Variants in GPR39 observed in about 807,000 individuals in gnomAD.
GPR39 encodes G protein-coupled receptor 39, also known as zinc sensing receptor.
GPR39 carries 23 observed loss-of-function variants against 18.4 expected under a neutral mutation model. The observed-to-expected ratio is 1.25, with a 90% CI of 0.90 to 1.77. GPR39 has a LOEUF of 1.77. GPR39 is among the 40% of genes most tolerant of loss of function. GPR39 has a pLI of 0.00. For missense variants in GPR39, 647 were observed against 602.4 expected (o/e 1.07, Z -0.78); for synonymous variants, 280 against 257.9 (o/e 1.09, Z -0.82).
At chr2:132,494,334 G>A (rs537411699) in intron 1 of GPR39, among the ~76,000 whole-genome samples, 5 of 152,230 alleles carry the variant, frequency 3.3e-5, no homozygotes, top group South Asian at 4.1e-4. Context: ...TGACATGAAC[G>A]TGTTTATTGC....
intron 1 of GPR39, among the ~76,000 whole-genome samples, chr2:132,528,578 A>G (rs1573648051): frequency 6.6e-6 from 1 of 152,162 alleles, no homozygotes; most frequent in East Asian, 1.9e-4. Flanking sequence ...AATGTTTTCC[A>G]TTGTTTTTCC....
chr2:132,526,665 A>G (rs1298301766), intron 1 of GPR39, among the ~76,000 whole-genome samples: 1 of 152,174 alleles, frequency 6.6e-6, no homozygotes, highest in Non-Finnish European at 1.5e-5. Context: ...GAGCACCTGC[A>G]TACTCTGGAC....
chr2:132,561,577 TACACACACAC>T (rs55653432), intron 1 of GPR39, among the ~76,000 whole-genome samples: 19,694 of 147,906 alleles, frequency 0.13, 2,151 homozygotes, highest in East Asian at 0.48. Flanking sequence ...AATATGAGTG[TACACACACAC>T]ACACACACAC....
At chr2:132,449,170 G>A (rs1680589350) in intron 1 of GPR39, among the ~76,000 whole-genome samples, 1 of 152,200 alleles carries the variant, frequency 6.6e-6, no homozygotes, top group Non-Finnish European at 1.5e-5. Context: ...TCTGCAAATC[G>A]CCTTCCTCCC....
intron 1 of GPR39, among the ~76,000 whole-genome samples, chr2:132,476,740 G>T (rs577886622): frequency 1.3e-5 from 2 of 151,540 alleles, no homozygotes; most frequent in African/African-American, 4.8e-5. Flanking sequence ...TGGAGGAAAA[G>T]CATATGATGC....
intron 1 of GPR39, among the ~76,000 whole-genome samples, chr2:132,517,829 C>T (rs987854761): frequency 6.6e-6 from 1 of 152,260 alleles, no homozygotes; most frequent in African/African-American, 2.4e-5. Context: ...ACTGCTTTTT[C>T]TACATTTATG....
chr2:132,557,685 C>A (rs567301810), intron 1 of GPR39, among the ~76,000 whole-genome samples: 1 of 152,144 alleles, frequency 6.6e-6, no homozygotes, highest in African/African-American at 2.4e-5. Context: ...GAGGAGGCAG[C>A]CCTGAGCTTA....
chr2:132,565,329 C>T (rs1225330997), intron 1 of GPR39, among the ~76,000 whole-genome samples: 1 of 151,752 alleles, frequency 6.6e-6, no homozygotes, highest in Non-Finnish European at 1.5e-5. Context: ...GGACTCTCCC[C>T]TATGAACTCC....
chr2:132,605,808 G>C (rs1325647309), intron 1 of GPR39, among the ~76,000 whole-genome samples: 1 of 152,184 alleles, frequency 6.6e-6, no homozygotes, highest in East Asian at 1.9e-4. Context: ...AGACATCAGG[G>C]CAGGGTAGCA....
chr2:132,493,500 TACACC>T (rs1292039936), intron 1 of GPR39, among the ~76,000 whole-genome samples: 4 of 84,484 alleles, frequency 4.7e-5, no homozygotes, highest in African/African-American at 1.8e-4. Context: ...TATATATATA[TACACC>T]ATATATATAT....
Position 132,645,121 on chromosome 2 carries a change from G to C in GPR39, c.877G>C (p.Ala293Pro), listed in dbSNP as rs1340779168. ...CCCAGGGCTGATTGTTGTGACATTG[G>C]CCGTATGCTGGATGCCCAACCAGAT... ...IFLRLIVVTLAVCWMPNQIRR... is the reference protein window; with the variant it reads ...IFLRLIVVTLPVCWMPNQIRR... Residue 293 changes from alanine to proline, a missense_variant, in exon 2 of 2, where the codon GCC becomes CCC. By Grantham distance (27) the Ala-to-Pro change is conservative. Around this residue, in one of 3 missense-constraint regions of GPR39, gnomAD observed 581 missense variants for 506.8 expected, o/e 1.15. Coordinates refer to ENST00000329321, the MANE Select transcript of GPR39 (RefSeq NM_001508.3). The C allele has an allele frequency of 1.5e-5, 25 of 1,613,258 alleles. No homozygotes were observed. The highest frequency in any genetic ancestry group is 2.1e-5 in the Non-Finnish European group (25 of 1,179,678).
At chr2:132,553,351 A>ATATATATG (rs143414095) in intron 1 of GPR39, among the ~76,000 whole-genome samples, 17,524 of 149,040 alleles carry the variant, frequency 0.12, 1,734 homozygotes, top group East Asian at 0.52. Context: ...ATATGTGTAT[A>ATATATATG]TATATATGTA....
At chr2:132,508,694 C>T (rs1226547982) in intron 1 of GPR39, among the ~76,000 whole-genome samples, 1 of 152,218 alleles carries the variant, frequency 6.6e-6, no homozygotes, top group Non-Finnish European at 1.5e-5. Context: ...TTAGCAGTCA[C>T]TTACCACCAT....
chr2:132,508,359 A>G (rs1186830724), intron 1 of GPR39, among the ~76,000 whole-genome samples: 1 of 152,180 alleles, frequency 6.6e-6, no homozygotes, highest in East Asian at 1.9e-4. Context: ...CTGAGGCCCA[A>G]CATTAAACAC....
rs144877200 is a variant in GPR39 at position 132,417,738 on chromosome 2, C to G, written c.696C>G (p.Leu232=). 3.1e-6 allele frequency: 5 copies of G among 1,614,092 alleles called. No homozygotes were observed. Among genetic ancestry groups the G allele is most frequent in the Non-Finnish European group, 3.4e-6 (4 of 1,180,046 alleles). Residue 232 remains leucine (L), a synonymous_variant, in exon 1 of 2, where the codon CTC becomes CTG. Transcript: ENST00000329321. Reference sequence around the variant, plus strand: ...TCTTCGGCGCCTTCGTGGTCTACCTCGTGGTCCTGCTCTCCGTAGCCTTCA... The same window carrying G: ...TCTTCGGCGCCTTCGTGGTCTACCTGGTGGTCCTGCTCTCCGTAGCCTTCA... ...SSIFGAFVVY[L]VVLLSVAFMC...
intron 1 of GPR39, among the ~76,000 whole-genome samples, chr2:132,522,400 A>G (rs1005750879): frequency 6.6e-6 from 1 of 152,242 alleles, no homozygotes; most frequent in Non-Finnish European, 1.5e-5. Flanking sequence ...ATTTCACTTA[A>G]TCATCAATTA....
chr2:132,577,197 A>G (rs969248383), intron 1 of GPR39, among the ~76,000 whole-genome samples: 2 of 152,084 alleles, frequency 1.3e-5, no homozygotes, highest in Admixed American at 6.6e-5. Context: ...TCTCTACAAA[A>G]AATACAAAAA....
chr2:132,472,578 C>T (rs369874548), intron 1 of GPR39, among the ~76,000 whole-genome samples: 4 of 152,106 alleles, frequency 2.6e-5, no homozygotes, highest in African/African-American at 7.2e-5. Flanking sequence ...CTCCTCCATC[C>T]GTTGGTCATA....
chr2:132,644,903 G>T, intron 1 of GPR39, 198 bp from the exon 2 acceptor site: 1 of 600,240 alleles, frequency 1.7e-6, no homozygotes, highest in Non-Finnish European at 2.9e-6. Context: ...CAACTCCCCC[G>T]GGTTTGAAAC....
Sources: gnomAD v4.1 joint callset for allele counts (sites outside exome capture counted in the v4.1 genomes callset) on GRCh38, gnomAD v4.1.1 for gene constraint, gnomAD v4.1.1 regional missense constraint, MANE v1.5 for transcripts, NCBI Gene and HGNC (gene_info 2026-07-23, HGNC 2026-07-21) for gene names.